Variants in TOGARAM2 observed in about 807,000 individuals in gnomAD.
TOGARAM2 encodes TOG array regulator of axonemal microtubules 2, also known as TOG array regulator of axonemal microtubules protein 2.
A neutral mutation model predicts 93.3 loss-of-function variants in TOGARAM2; 85 were observed. The observed-to-expected ratio is 0.91, with a 90% CI of 0.76 to 1.09. The LOEUF (loss-of-function observed/expected upper bound fraction) is 1.09, where lower values mean the gene tolerates loss of function less well. Ranked by LOEUF, TOGARAM2 falls within the 50% of genes least tolerant of loss-of-function variation. TOGARAM2 has a pLI of 0.00. For synonymous variants in TOGARAM2, 593 were observed against 552.8 expected, an observed-to-expected ratio of 1.07 and a Z score of -1.02; for missense variants, 1,277 against 1,334.5, an observed-to-expected ratio of 0.96 and a Z score of 0.67.
chr2:28,966,795 GCACCA>G (rs1671873801), intron 1 of TOGARAM2, among the ~76,000 whole-genome samples: 2 of 152,084 alleles, frequency 1.3e-5, no homozygotes, highest in South Asian at 4.1e-4. Flanking sequence ...CATATCATCT[GCACCA>G]CATGATGGTT....
chr2:29,037,319 C>T (rs746736552), intron 18 of TOGARAM2, among the ~76,000 whole-genome samples: 4 of 152,080 alleles, frequency 2.6e-5, no homozygotes, highest in Non-Finnish European at 2.9e-5. Context: ...GTACCCAGTA[C>T]GTGGACCAAA....
intron 1 of TOGARAM2, among the ~76,000 whole-genome samples, chr2:28,962,754 TCCCC>T (rs1671818306): frequency 2.7e-5 from 2 of 73,660 alleles, no homozygotes; most frequent in East Asian, 9.7e-4. Context: ...TTCCCTTCCC[TCCCC>T]TCCCCTTCCC....
chr2:29,029,262 T>TACACACAC (rs1192229516), intron 14 of TOGARAM2, among the ~76,000 whole-genome samples: 2 of 93,112 alleles, frequency 2.1e-5, no homozygotes, highest in Non-Finnish European at 4.6e-5. Flanking sequence ...TGTATGTGTG[T>TACACACAC]ATACACACAC....
chr2:28,978,096 G>C (rs1181648300), upstream of TOGARAM2, among the ~76,000 whole-genome samples: 1 of 152,054 alleles, frequency 6.6e-6, no homozygotes, highest in Non-Finnish European at 1.5e-5. Context: ...TGGTAGAGAC[G>C]GGGTTTTACC....
intron 13 of TOGARAM2, among the ~76,000 whole-genome samples, chr2:29,025,313 A>G (rs188259584): frequency 3.4e-4 from 52 of 152,318 alleles, no homozygotes; most frequent in South Asian, 2.9e-3. Flanking sequence ...ACGAAAGCGC[A>G]CTTAGAAAGG....
chr2:28,978,952 C>T (rs998345808), upstream of TOGARAM2, among the ~76,000 whole-genome samples: 1 of 152,110 alleles, frequency 6.6e-6, no homozygotes, highest in African/African-American at 2.4e-5. Context: ...AATTTGGGGG[C>T]TTCTTTAAGA....
At chr2:28,994,654 G>T (rs890889785) in intron 1 of TOGARAM2, 71 bp from the exon 2 acceptor site, 3 of 560,220 alleles carry the variant, frequency 5.4e-6, no homozygotes, top group Non-Finnish European at 9.6e-6. Flanking sequence ...GCCCCTGAAG[G>T]GCTTTTTGTG....
intron 17 of TOGARAM2, 65 bp downstream of exon 17, chr2:29,035,721 A>T (rs1572768424): frequency 1.5e-6 from 2 of 1,296,684 alleles, no homozygotes; most frequent in Non-Finnish European, 2.0e-6. Context: ...TTGAAGTTTG[A>T]AAACTCTGAA....
At chr2:29,021,017 G>A (rs563961513) in intron 10 of TOGARAM2, among the ~76,000 whole-genome samples, 2 of 152,094 alleles carry the variant, frequency 1.3e-5, no homozygotes, top group Non-Finnish European at 2.9e-5. Flanking sequence ...GAGTTCAAGC[G>A]ATTCTCCTGC....
At chr2:28,992,666 C>T (rs1672791614) in intron 1 of TOGARAM2, among the ~76,000 whole-genome samples, 1 of 152,144 alleles carries the variant, frequency 6.6e-6, no homozygotes, top group African/African-American at 2.4e-5. Flanking sequence ...GCAGCAATGA[C>T]CATTCTGACA....
intron 1 of TOGARAM2, among the ~76,000 whole-genome samples, chr2:28,968,025 G>T (rs1414438675): frequency 6.6e-6 from 1 of 151,822 alleles, no homozygotes; most frequent in Non-Finnish European, 1.5e-5. Flanking sequence ...TGTCATGTTG[G>T]CCAGGCTGGT....
At chr2:28,987,662 G>T (rs1268189498) in intron 1 of TOGARAM2, among the ~76,000 whole-genome samples, 1 of 152,206 alleles carries the variant, frequency 6.6e-6, no homozygotes, top group African/African-American at 2.4e-5. Flanking sequence ...ACCTGGCACT[G>T]TTTGTCCCTT....
intron 1 of TOGARAM2, among the ~76,000 whole-genome samples, chr2:28,960,159 A>G (rs1671783264): frequency 6.6e-6 from 1 of 152,196 alleles, no homozygotes; most frequent in Non-Finnish European, 1.5e-5. Flanking sequence ...ATATTTGGCT[A>G]TATTTTTCTT....
chr2:28,999,490 C>T (rs564333943), intron 4 of TOGARAM2, 22 bp downstream of exon 4: 3 of 1,562,680 alleles, frequency 1.9e-6, no homozygotes, highest in Non-Finnish European at 2.6e-6. Context: ...CCCCTGCCCA[C>T]CCCTCACCCA....
intron 8 of TOGARAM2, 29 bp downstream of exon 8, chr2:29,014,590 T>C: frequency 2.6e-6 from 4 of 1,554,942 alleles, no homozygotes; most frequent in Non-Finnish European, 3.5e-6. Flanking sequence ...GAGGAGGAAG[T>C]GGGGCTGGAG....
chr2:29,022,287 A>G lies in TOGARAM2; in HGVS notation c.1490A>G (p.Gln497Arg). The change falls in exon 11 of 20, where the codon CAG becomes CGG. Residue 497 changes from glutamine (Q) to arginine (R), a missense_variant. Transcript: ENST00000379558. Reference protein sequence around the residue: ...NPELGLRDALQCLNSSDWQMK... With the variant: ...NPELGLRDALRCLNSSDWQMK... Reference sequence around the variant, plus strand: ...GAGCTGGGGCTGAGGGATGCACTCCAGTGCCTCAACAGCAGTGACTGGTGA... The same window carrying G: ...GAGCTGGGGCTGAGGGATGCACTCCGGTGCCTCAACAGCAGTGACTGGTGA... The G allele has an allele frequency of 1.2e-6, 2 of 1,614,016 alleles. No homozygotes were observed. The highest frequency in any genetic ancestry group is 1.7e-6 in the Non-Finnish European group (2 of 1,179,872).
intron 4 of TOGARAM2, 98 bp downstream of exon 4, chr2:28,999,566 T>G (rs918734098): frequency 2.8e-5 from 39 of 1,370,710 alleles, no homozygotes; most frequent in Non-Finnish European, 3.3e-5. Context: ...CCAGGTGGCA[T>G]GCTGGGATGC....
At chr2:28,964,972 T>C (rs1671848674) in intron 1 of TOGARAM2, among the ~76,000 whole-genome samples, 1 of 152,334 alleles carries the variant, frequency 6.6e-6, no homozygotes, top group Non-Finnish European at 1.5e-5. Context: ...ATCTTTATAA[T>C]AGAATGATTT....
intron 14 of TOGARAM2, among the ~76,000 whole-genome samples, chr2:29,028,063 GAGAGGATCTGGTTGACTGTCTTCAAA>G (rs1665521657): frequency 6.6e-6 from 1 of 152,198 alleles, no homozygotes; most frequent in Non-Finnish European, 1.5e-5. Flanking sequence ...GCAGGAGAGC[GAGAGGATCTGGTTGACTGTCTTCAAA>G]AGCTAGGGCT....
Sources: allele counts gnomAD v4.1 joint callset (sites outside exome capture counted in the v4.1 genomes callset), GRCh38; gene constraint gnomAD v4.1.1; transcripts MANE v1.5; gene names NCBI Gene and HGNC (gene_info 2026-07-23, HGNC 2026-07-21).